THSD4: variants seen among roughly 807,000 people sequenced by gnomAD.
The protein encoded by THSD4 is thrombospondin type-1 domain-containing protein 4.
THSD4 carries 69 observed loss-of-function variants against 119.0 expected under a neutral mutation model. That is an observed-to-expected ratio of 0.58 (90% confidence interval 0.48 to 0.71). THSD4 has a LOEUF of 0.71. THSD4 is among the 30% of genes least tolerant of loss of function. The pLI, the probability that THSD4 is intolerant of heterozygous loss-of-function variation, is 0.00. For missense variants in THSD4, 1,393 were observed against 1,391.1 expected (o/e 1.00, Z -0.02); for synonymous variants, 524 against 540.4 (o/e 0.97, Z 0.42).
chr15:71,726,101 G>T (rs1418096041), intron 8 of THSD4, among the ~76,000 whole-genome samples: 1 of 152,162 alleles, frequency 6.6e-6, no homozygotes, highest in Non-Finnish European at 1.5e-5. Flanking sequence ...GAAGAAGTGT[G>T]ATTCTTCATA....
chr15:71,435,613 C>G (rs570646708), intron 7 of THSD4, among the ~76,000 whole-genome samples: 2 of 151,964 alleles, frequency 1.3e-5, no homozygotes, highest in Non-Finnish European at 2.9e-5. Flanking sequence ...TAAATGGGTG[C>G]GAAAGATGCA....
chr15:71,579,905 T>G (rs540612887), intron 7 of THSD4, among the ~76,000 whole-genome samples: 28 of 140,964 alleles, frequency 2.0e-4, no homozygotes, highest in African/African-American at 6.6e-4. Context: ...AACGGTGGGG[T>G]TTTTTTTTTG....
At chr15:71,206,241 A>G (rs2043842802) in intron 3 of THSD4, among the ~76,000 whole-genome samples, 4 of 152,084 alleles carry the variant, frequency 2.6e-5, no homozygotes, top group Admixed American at 1.3e-4. Flanking sequence ...TGAACTCCCA[A>G]CCTCAGGTGA....
chr15:71,652,006 G>A (rs367558384), intron 7 of THSD4, among the ~76,000 whole-genome samples: 2 of 152,242 alleles, frequency 1.3e-5, no homozygotes, highest in African/African-American at 4.8e-5. Context: ...CTGGGGACCT[G>A]CATTGGTAGA....
intron 8 of THSD4, among the ~76,000 whole-genome samples, chr15:71,723,831 G>A (rs11852258): frequency 0.54 from 82,177 of 151,750 alleles, 26,567 homozygotes; most frequent in East Asian, 0.8. Flanking sequence ...ACTTTGGGAG[G>A]CCAAGGCAGG....
At chr15:71,467,193 C>T (rs1212995651) in intron 7 of THSD4, among the ~76,000 whole-genome samples, 1 of 152,284 alleles carries the variant, frequency 6.6e-6, no homozygotes, top group East Asian at 1.9e-4. Context: ...GTTAACTTGT[C>T]ATGAATTGAC....
At chr15:71,563,131 C>T (rs763719222) in intron 7 of THSD4, among the ~76,000 whole-genome samples, 1 of 152,154 alleles carries the variant, frequency 6.6e-6, no homozygotes, top group Non-Finnish European at 1.5e-5. Context: ...TTATATCCCA[C>T]ATCGTCCTAT....
intron 7 of THSD4, among the ~76,000 whole-genome samples, chr15:71,493,825 G>C (rs1157845624): frequency 6.6e-6 from 1 of 152,204 alleles, no homozygotes; most frequent in Non-Finnish European, 1.5e-5. Flanking sequence ...TGAGGGAAGG[G>C]CTATTGCCAT....
intron 7 of THSD4, among the ~76,000 whole-genome samples, chr15:71,583,648 T>C (rs1045801336): frequency 7.9e-5 from 12 of 152,172 alleles, no homozygotes; most frequent in African/African-American, 2.4e-4. Context: ...TCCCTTTCGA[T>C]TTCTTCCTTG....
At chr15:71,277,128 C>CTTTTTTTTTTTTTTTTT (rs779207517) in intron 6 of THSD4, among the ~76,000 whole-genome samples, 1,256 of 122,714 alleles carry the variant, frequency 0.01, 49 homozygotes, top group East Asian at 0.021. Context: ...TCTTCTTCTT[C>CTTTTTTTTTTTTTTTTT]TTTTTTTTTT....
At chr15:71,379,176 G>A (rs1258590978) in intron 6 of THSD4, among the ~76,000 whole-genome samples, 1 of 152,132 alleles carries the variant, frequency 6.6e-6, no homozygotes, top group Non-Finnish European at 1.5e-5. Context: ...TGTGGGTGGG[G>A]AGGGTTTCTT....
chr15:71,732,918 G>A (rs1360668270), intron 10 of THSD4: 1 of 152,190 alleles, frequency 6.6e-6, no homozygotes, highest in African/African-American at 2.4e-5. Flanking sequence ...GACTGGGGAG[G>A]ACAACAGCTG....
chr15:71,466,358 A>AG (rs1256600309), intron 7 of THSD4, among the ~76,000 whole-genome samples: 1 of 145,356 alleles, frequency 6.9e-6, no homozygotes, highest in African/African-American at 2.5e-5. Flanking sequence ...AAAAAAAAAA[A>AG]GGAAAATAGA....
At chr15:71,329,091 G>A (rs373294559) in intron 6 of THSD4, among the ~76,000 whole-genome samples, 38 of 152,264 alleles carry the variant, frequency 2.5e-4, no homozygotes, top group South Asian at 2.5e-3. Flanking sequence ...GTGATGTGTC[G>A]CCATGAAAAT....
chr15:71,559,484 A>C (rs1259417911), intron 7 of THSD4, among the ~76,000 whole-genome samples: 2 of 151,986 alleles, frequency 1.3e-5, no homozygotes, highest in African/African-American at 4.8e-5. Flanking sequence ...GAATTTTGCA[A>C]AGGAAAGAGG....
intron 3 of THSD4, among the ~76,000 whole-genome samples, chr15:71,158,729 C>G (rs1240683299): frequency 1.3e-5 from 2 of 151,270 alleles, no homozygotes; most frequent in Non-Finnish European, 2.9e-5. Context: ...TGTATAGTTG[C>G]AAATATTTTC....
intron 7 of THSD4, among the ~76,000 whole-genome samples, chr15:71,656,097 G>T (rs980594580): frequency 6.6e-6 from 1 of 152,138 alleles, no homozygotes; most frequent in Admixed American, 6.5e-5. Flanking sequence ...GCTGTGTTTT[G>T]GAGGAGACTA....
At chr15:71,505,103 A>C (rs1256064093) in intron 7 of THSD4, among the ~76,000 whole-genome samples, 1 of 152,236 alleles carries the variant, frequency 6.6e-6, no homozygotes, top group African/African-American at 2.4e-5. Flanking sequence ...CATGACATCA[A>C]CATGACAGTA....
intron 17 of THSD4, among the ~76,000 whole-genome samples, chr15:71,776,876 A>G (rs1429273818): frequency 6.6e-6 from 1 of 152,238 alleles, no homozygotes; most frequent in African/African-American, 2.4e-5. Flanking sequence ...TTATGTTTAA[A>G]TGTCACAGAG....
Sources: gnomAD v4.1 joint callset for allele counts (sites outside exome capture counted in the v4.1 genomes callset) on GRCh38, gnomAD v4.1.1 for gene constraint, MANE v1.5 for transcripts, NCBI Gene and HGNC (gene_info 2026-07-23, HGNC 2026-07-21) for gene names.